The following RRH variants were observed in gnomAD, a reference collection of about 807,000 sequenced individuals.
RRH encodes retinal pigment epithelium-derived rhodopsin homolog, also known as visual pigment-like receptor peropsin.
In RRH, 36 loss-of-function variants were observed where a neutral mutation model predicts 33.1. That is an observed-to-expected ratio of 1.09 (90% CI 0.83 to 1.44). RRH has a LOEUF of 1.44. Among genes scored for constraint, RRH ranks in the 40% most tolerant of loss-of-function variants. The probability of loss-of-function intolerance (pLI) is 0.00; values close to 1 mark genes in which losing one functional copy is unlikely to be tolerated. For missense variants in RRH, 393 were observed against 420.2 expected (o/e 0.94, Z 0.57); for synonymous variants, 124 against 140.2 (o/e 0.88, Z 0.82).
rs562827022 is a variant in RRH at position 109,836,639 on chromosome 4, G to A, written c.551+479G>A. On this transcript the variant is annotated intron_variant, in intron 4 of 6. Coordinates refer to ENST00000317735, the MANE Select transcript of RRH (RefSeq NM_006583.5). Reference sequence around the variant, plus strand: ...AAAGATTTGCCTGCTAGTTAGTGAGGCTTCTTTATATTTTCCAGGAACAAG... The same window carrying A: ...AAAGATTTGCCTGCTAGTTAGTGAGACTTCTTTATATTTTCCAGGAACAAG... Among the ~76,000 whole-genome samples, 5 of 152,278 alleles carry A rather than the reference G, an allele frequency of 3.3e-5. No homozygotes were observed. In the South Asian group the frequency reaches 1.0e-3, roughly 32 times the overall value.
At chr4:109,830,807 CAT>C (rs1161962013) in intron 1 of RRH, among the ~76,000 whole-genome samples, 6 of 151,914 alleles carry the variant, frequency 3.9e-5, no homozygotes, top group African/African-American at 9.7e-5. Context: ...TTTAATAAGA[CAT>C]AGATGGAGAA....
rs1733731536 is a variant in RRH at position 109,830,752 on chromosome 4, G to A, written c.107-2387G>A. ...AAATTACTCAGAGTATGTGTTAAAT[G>A]TGAAAAGAAAGGGATCTAGGACAGA... is the stretch of plus-strand genomic sequence containing the variant. On this transcript the variant is annotated intron_variant, in intron 1 of 6. Transcript: ENST00000317735. Among the ~76,000 whole-genome samples the A allele has an allele frequency of 1.3e-5, 2 of 152,122 alleles. 1 individual carries two copies. Among genetic ancestry groups the A allele is most frequent in the South Asian group, 4.1e-4 (2 of 4,824 alleles).
chr4:109,839,350 G>C lies in RRH; in HGVS notation c.720+1745G>C, dbSNP rs568205389. Among the ~76,000 whole-genome samples, 13 of 152,234 alleles carry C rather than the reference G, an allele frequency of 8.5e-5. No individual in the cohort carries two copies. The South Asian group carries it at 2.7e-3, about 32-fold the overall frequency. ...GACCCTGCACTGATATAATTCACCT[G>C]ATTCACCTCCCCCTGTTCCCAGCCT... is the stretch of plus-strand genomic sequence containing the variant. On this transcript the variant is annotated intron_variant, in intron 5 of 6. Coordinates refer to ENST00000317735, the MANE Select transcript of RRH (RefSeq NM_006583.5).
chr4:109,844,303 A>AT lies in RRH; in HGVS notation c.*107dup. 1.3e-6 allele frequency: 1 copy of AT among 747,086 alleles called. No individual in the cohort carries two copies. Among genetic ancestry groups the AT allele is most frequent in the Non-Finnish European group, 2.4e-6 (1 of 423,352 alleles). 46.3% of individuals were successfully genotyped at this position (747,086 alleles called of 1,614,324 possible). On this transcript the variant is annotated 3_prime_UTR_variant, in exon 7 of 7. Transcript: ENST00000317735. ...AAGTGCAGACATGGATCATTGTCCT[A>AT]TGAGAGTGTAAGCTCCTCAAGCACA...
intron 5 of RRH, among the ~76,000 whole-genome samples, chr4:109,838,476 G>A (rs6858351): frequency 0.78 from 118,531 of 151,842 alleles, 47,128 homozygotes; most frequent in Non-Finnish European, 0.86. Context: ...TTCCAGGGTC[G>A]AATCCCCTGT....
At position 109,844,138 on chromosome 4, in the gene RRH, G is replaced by A. The variant is rs1560586885; in HGVS notation, c.955G>A (p.Val319Met). 1.2e-6 allele frequency: 2 copies of A among 1,613,954 alleles called. No homozygotes were observed. Among genetic ancestry groups the A allele is most frequent in the Non-Finnish European group, 1.7e-6 (2 of 1,179,842 alleles). ...ATGTCAGACTCACCAAACAATGCCT[G>A]TGACAAGTATTTTACCCATGGATGT... Reference protein sequence around the residue: ...FKCQTHQTMPVTSILPMDVSQ... With the variant: ...FKCQTHQTMPMTSILPMDVSQ... The change falls in exon 7 of 7, where the codon GTG (valine) becomes ATG (methionine). Residue 319 changes from valine to methionine, a missense_variant. Coordinates refer to ENST00000317735, the MANE Select transcript of RRH (RefSeq NM_006583.5).
Position 109,844,460 on chromosome 4 carries a change from TA to T in RRH, c.*264del, listed in dbSNP as rs904447895. On this transcript the variant is annotated 3_prime_UTR_variant, in exon 7 of 7. Coordinates refer to ENST00000317735, the MANE Select transcript of RRH (RefSeq NM_006583.5). ...TAAGGTCCCCTTTCTTTCTCCCTAT[TA>T]TGGCATGCATTACACTGTACTGATG... The T allele has an allele frequency of 2.1e-5, 8 of 386,900 alleles. No individual in the cohort carries two copies. Among genetic ancestry groups the T allele is most frequent in the Non-Finnish European group, 3.9e-5 (8 of 203,256 alleles). 24.0% of individuals were successfully genotyped at this position (386,900 alleles called of 1,614,324 possible). A position where few individuals can be genotyped will look rare whatever the true frequency, so the allele number is the denominator to read the frequency against.
At chr4:109,837,938 G>T (rs1733917860) in intron 5 of RRH, among the ~76,000 whole-genome samples, 1 of 152,038 alleles carries the variant, frequency 6.6e-6, no homozygotes, top group South Asian at 2.1e-4. Flanking sequence ...GCCACACTTG[G>T]CTAATTTTTT....
chr4:109,836,927 G>A (rs975762401), intron 4 of RRH, among the ~76,000 whole-genome samples: 26 of 142,542 alleles, frequency 1.8e-4, no homozygotes, highest in Non-Finnish European at 3.4e-4. Flanking sequence ...GGGTGGTGCG[G>A]GGGGTGGGAA....
At chr4:109,838,916 C>A (rs1225244540) in intron 5 of RRH, among the ~76,000 whole-genome samples, 1 of 152,072 alleles carries the variant, frequency 6.6e-6, no homozygotes, top group East Asian at 1.9e-4. Context: ...TGTGGAGACT[C>A]CAGTCTTCCT....
chr4:109,832,495 A>AGTGTGTGTGTGTGTGTGTGT (rs36127904), intron 1 of RRH, among the ~76,000 whole-genome samples: 5 of 135,180 alleles, frequency 3.7e-5, no homozygotes, highest in African/African-American at 1.2e-4. Context: ...CTATTGGGGT[A>AGTGTGTGTGTGTGTGTGTGT]GTGTGTGTGT....
chr4:109,835,025 A>G (rs1003240750), intron 2 of RRH, among the ~76,000 whole-genome samples: 6 of 152,020 alleles, frequency 3.9e-5, no homozygotes, highest in African/African-American at 7.2e-5. Flanking sequence ...CCATTTTTCT[A>G]TTGAGTTTGT....
intron 1 of RRH, among the ~76,000 whole-genome samples, chr4:109,832,420 T>G (rs1370915823): frequency 6.6e-6 from 1 of 151,054 alleles, no homozygotes; most frequent in Non-Finnish European, 1.5e-5. Context: ...GTGAGGCTTC[T>G]CTATGGACCA....
At chr4:109,842,714 T>TG in intron 6 of RRH, 67 bp downstream of exon 6, 1 of 1,409,924 alleles carries the variant, frequency 7.1e-7, no homozygotes, top group Non-Finnish European at 1.0e-6. Context: ...TAAGACTTCT[T>TG]GGGAGAGAAG....
intron 5 of RRH, among the ~76,000 whole-genome samples, chr4:109,840,177 GTATCTCA>G (rs1733960184): frequency 1.3e-5 from 2 of 150,736 alleles, no homozygotes; most frequent in African/African-American, 4.9e-5. Context: ...GTATGAGATT[GTATCTCA>G]TTGTGGTTTT....
rs758998748 is a variant in RRH at position 109,835,383 on chromosome 4, TA to T, written c.316del (p.Ile106PhefsTer20). 5.0e-6 allele frequency: 8 copies of T among 1,613,826 alleles called. No individual in the cohort carries two copies. Among genetic ancestry groups the T allele is most frequent in the East Asian group, 4.5e-5 (2 of 44,894 alleles). ...GTTTTCAGGTTTATGCTGGATTGAA[TA>T]TTTTTTTTGGAATGGCAAGCATTGG... ...AGCQVYAGLN[I>X]FFGMASIGLL... On this transcript the variant is annotated frameshift_variant, in exon 3 of 7. Coordinates refer to ENST00000317735, the MANE Select transcript of RRH (RefSeq NM_006583.5). LOFTEE classifies it high-confidence loss of function.
chr4:109,830,164 G>A (rs1187040669), intron 1 of RRH, among the ~76,000 whole-genome samples: 2 of 152,114 alleles, frequency 1.3e-5, no homozygotes, highest in African/African-American at 4.8e-5. Flanking sequence ...CCCCAGTTAA[G>A]GCTGGGAGGT....
chr4:109,835,230 C>A, intron 2 of RRH, 136 bp from the exon 3 acceptor site: 1 of 670,466 alleles, frequency 1.5e-6, no homozygotes. Flanking sequence ...TATAATTTGA[C>A]AATGAAGATG....
At position 109,836,102 on chromosome 4, in the gene RRH, A is replaced by C; in HGVS notation, c.493A>C (p.Ser165Arg). 7 of 1,614,136 alleles carry C rather than the reference A, an allele frequency of 4.3e-6. No individual in the cohort carries two copies. The highest frequency in any genetic ancestry group is 5.9e-6 in the Non-Finnish European group (7 of 1,179,958). Residue 165 changes from serine (S) to arginine (R), a missense_variant, in exon 4 of 7, where the codon AGT (serine) becomes CGT (arginine). Transcript: ENST00000317735. ...WALMPIIGWA[S>R]YAPDPTGATC... The stretch of plus-strand genomic sequence containing the variant: ...TTTGATGCCTATCATAGGGTGGGCT[A>C]GTTATGCCCCAGATCCTACTGGTGC...
Sources: allele counts gnomAD v4.1 joint callset (sites outside exome capture counted in the v4.1 genomes callset), GRCh38; gene constraint gnomAD v4.1.1; transcripts MANE v1.5; gene names NCBI Gene and HGNC (gene_info 2026-07-23, HGNC 2026-07-21).